SCHIP1: variants seen among roughly 807,000 people sequenced by gnomAD.
The protein encoded by SCHIP1 is schwannomin-interacting protein 1.
Under a neutral mutation model 29.7 loss-of-function variants are expected in SCHIP1, and 8 were observed. The ratio of observed to expected loss-of-function variants is 0.27; its 90% CI spans 0.16 to 0.49. The LOEUF is 0.49. SCHIP1 is among the 20% of genes least tolerant of loss of function. SCHIP1 has a pLI of 0.99. For missense variants in SCHIP1, 193 were observed against 294.6 expected (o/e 0.66, Z 2.52); for synonymous variants, 76 against 94.9 (o/e 0.80, Z 1.16).
At chr3:159,332,951 G>A in the SCHIP1 span, among the ~76,000 whole-genome samples, 1 of 152,300 alleles carries the variant, frequency 6.6e-6, no homozygotes, top group Non-Finnish European at 1.5e-5. Flanking sequence ...CATAGTCCAT[G>A]CTGGACAGCC....
At chr3:159,461,719 G>A in the SCHIP1 span, among the ~76,000 whole-genome samples, 3 of 151,804 alleles carry the variant, frequency 2.0e-5, no homozygotes, top group East Asian at 5.8e-4. Context: ...ACTATTTTGA[G>A]AGTGTCTGAT....
At chr3:159,829,431 G>C in the SCHIP1 span, among the ~76,000 whole-genome samples, 2 of 152,192 alleles carry the variant, frequency 1.3e-5, no homozygotes, top group Non-Finnish European at 2.9e-5. Context: ...TGTGAAATGT[G>C]AAAATAATTC....
chr3:159,674,750 G>T, the SCHIP1 span, among the ~76,000 whole-genome samples: 3 of 152,092 alleles, frequency 2.0e-5, no homozygotes, highest in Admixed American at 2.0e-4. Context: ...AATCCCAAAG[G>T]CTAGGCCAGT....
chr3:159,273,399 C>A, the SCHIP1 span: 2 of 1,001,098 alleles, frequency 2.0e-6, no homozygotes, highest in Non-Finnish European at 2.4e-6. Flanking sequence ...TATTTTTAAT[C>A]GAAAAGTAGA....
the SCHIP1 span, among the ~76,000 whole-genome samples, chr3:159,595,474 G>C: frequency 2.0e-5 from 3 of 152,080 alleles, no homozygotes; most frequent in African/African-American, 7.2e-5. Flanking sequence ...CCAAGAACAT[G>C]GGGAAGTAGA....
At chr3:159,765,030 C>T in the SCHIP1 span, 1 of 1,544,804 alleles carries the variant, frequency 6.5e-7, no homozygotes, top group Non-Finnish European at 8.7e-7. Flanking sequence ...CCGAAGAGCC[C>T]CCGGTGCCAC....
chr3:159,659,145 A>C, the SCHIP1 span, among the ~76,000 whole-genome samples: 249 of 152,316 alleles, frequency 1.6e-3, 1 homozygote, highest in Middle Eastern at 3.4e-3. Context: ...TTGAATCTGA[A>C]TTTTGTTGAT....
At chr3:159,799,133 G>A in the SCHIP1 span, among the ~76,000 whole-genome samples, 1 of 152,290 alleles carries the variant, frequency 6.6e-6, no homozygotes, top group Admixed American at 6.5e-5. Flanking sequence ...TCATATTTGT[G>A]TGTGCAGTCC....
the SCHIP1 span, among the ~76,000 whole-genome samples, chr3:159,778,375 T>A: frequency 6.6e-6 from 1 of 152,210 alleles, no homozygotes; most frequent in Admixed American, 6.5e-5. Context: ...ACAAAGATAG[T>A]ACACAGAGTT....
chr3:159,375,076 T>C, the SCHIP1 span, among the ~76,000 whole-genome samples: 2 of 152,252 alleles, frequency 1.3e-5, no homozygotes, highest in Non-Finnish European at 2.9e-5. Context: ...TTTTACCTTT[T>C]ATAATGTGGC....
the SCHIP1 span, among the ~76,000 whole-genome samples, chr3:159,632,212 G>T: frequency 2.0e-5 from 3 of 152,136 alleles, no homozygotes; most frequent in African/African-American, 4.8e-5. Flanking sequence ...AGGAGATGTA[G>T]CCTGAATCCG....
intron 2 of SCHIP1, among the ~76,000 whole-genome samples, chr3:159,868,027 T>TATATATATATATAAATCAATCATTTA (rs1714832107): frequency 8.2e-6 from 1 of 122,244 alleles, no homozygotes; most frequent in Non-Finnish European, 1.9e-5. Flanking sequence ...TCAATGATTT[T>TATATATATATATAAATCAATCATTTA]TATATATATA....
the SCHIP1 span, among the ~76,000 whole-genome samples, chr3:159,309,496 A>G: frequency 6.6e-6 from 1 of 152,170 alleles, no homozygotes; most frequent in South Asian, 2.1e-4. Context: ...GTGGAGTTAG[A>G]CTCATTTTCA....
chr3:159,428,337 A>G, the SCHIP1 span, among the ~76,000 whole-genome samples: 2 of 151,286 alleles, frequency 1.3e-5, no homozygotes, highest in South Asian at 4.2e-4. Context: ...ATGAACTCAA[A>G]CAAATTTACA....
intron 1 of SCHIP1, among the ~76,000 whole-genome samples, chr3:159,854,686 G>T (rs1713111411): frequency 6.6e-6 from 1 of 152,196 alleles, no homozygotes; most frequent in Non-Finnish European, 1.5e-5. Flanking sequence ...ATCCAGCTCT[G>T]CAGAACAAGT....
chr3:159,542,175 C>A, the SCHIP1 span, among the ~76,000 whole-genome samples: 1 of 152,054 alleles, frequency 6.6e-6, no homozygotes, highest in Non-Finnish European at 1.5e-5. Context: ...TCTGTTAGAT[C>A]ATTTAAATAG....
the SCHIP1 span, among the ~76,000 whole-genome samples, chr3:159,760,424 G>A: frequency 6.6e-6 from 1 of 152,184 alleles, no homozygotes; most frequent in African/African-American, 2.4e-5. Flanking sequence ...ACTAGGACAA[G>A]AATTCTGAAT....
the SCHIP1 span, among the ~76,000 whole-genome samples, chr3:159,298,167 T>C: frequency 6.6e-6 from 1 of 152,170 alleles, no homozygotes; most frequent in Non-Finnish European, 1.5e-5. Context: ...ACAGCTCACA[T>C]AGATGATTCA....
the SCHIP1 span, among the ~76,000 whole-genome samples, chr3:159,340,207 C>A: frequency 6.6e-6 from 1 of 151,904 alleles, no homozygotes; most frequent in Non-Finnish European, 1.5e-5. Flanking sequence ...AATAAGTTTT[C>A]TAGGGCTTAT....
Sources: allele counts gnomAD v4.1 joint callset (sites outside exome capture counted in the v4.1 genomes callset), GRCh38; gene constraint gnomAD v4.1.1; transcripts MANE v1.5; gene names NCBI Gene and HGNC (gene_info 2026-07-23, HGNC 2026-07-21).